Variants in BCOR observed in about 807,000 individuals in gnomAD.
BCOR encodes the protein BCL-6 corepressor.
In BCOR, 10 loss-of-function variants were observed where a neutral mutation model predicts 86.7. The observed-to-expected ratio is 0.12, with a 90% CI of 0.07 to 0.20. BCOR has a LOEUF of 0.20. Ranked by LOEUF, BCOR falls within the 10% of genes least tolerant of loss-of-function variation. The pLI is 1.00. For missense variants in BCOR, 1,259 were observed against 1,452.1 expected, an observed-to-expected ratio of 0.87 and a Z score of 2.16; for synonymous variants, 611 against 609.0, an observed-to-expected ratio of 1.00 and a Z score of -0.05.
intron 1 of BCOR, among the ~76,000 whole-genome samples, chrX:40,127,458 T>C (rs1937556285): frequency 8.9e-6 from 1 of 112,449 alleles, no homozygotes; most frequent in South Asian, 3.6e-4. Context: ...CCAATTGTGA[T>C]AGAAGAAGAA....
intron 1 of BCOR, among the ~76,000 whole-genome samples, chrX:40,151,893 G>A (rs1938174964): frequency 8.9e-6 from 1 of 112,201 alleles, no homozygotes; most frequent in Non-Finnish European, 1.9e-5. Flanking sequence ...GAGCGCGCCT[G>A]GTGTTTACAC....
chrX:40,176,981 A>G (rs1489585912), intron 1 of BCOR: 1 of 100,147 alleles, frequency 1.0e-5, no homozygotes, highest in Non-Finnish European at 2.0e-5. Flanking sequence ...CCTTCCGGGT[A>G]GGAGAACTCA....
At chrX:40,114,101 C>A (rs1476055430) in intron 1 of BCOR, among the ~76,000 whole-genome samples, 1 of 112,157 alleles carries the variant, frequency 8.9e-6, no homozygotes, top group African/African-American at 3.2e-5. Context: ...CCACTGTAGC[C>A]AGCCACTTAA....
intron 1 of BCOR, among the ~76,000 whole-genome samples, chrX:40,128,242 C>T (rs767987257): frequency 5.7e-5 from 6 of 105,525 alleles, no homozygotes; most frequent in African/African-American, 2.1e-4. Context: ...AACAAAAAAA[C>T]AAAAAAGTAT....
intron 1 of BCOR, among the ~76,000 whole-genome samples, chrX:40,149,889 A>G (rs7889424): frequency 0.027 from 3,010 of 112,313 alleles, 83 homozygotes; most frequent in African/African-American, 0.091. Context: ...CTGAGCTGCA[A>G]TCTTCTGAGG....
chrX:40,081,149 G>A (rs1936090414), intron 1 of BCOR, among the ~76,000 whole-genome samples: 1 of 111,594 alleles, frequency 9.0e-6, no homozygotes, highest in East Asian at 2.8e-4. Context: ...GCCAAAGATG[G>A]AGAGGAGTGG....
upstream of BCOR, among the ~76,000 whole-genome samples, chrX:40,102,823 G>A (rs890377948): frequency 8.8e-5 from 10 of 113,360 alleles, no homozygotes; most frequent in Non-Finnish European, 1.5e-4. Context: ...AAGCGGTGCT[G>A]ATCTGTCTCT....
chrX:40,165,760 G>A (rs1203036948), intron 1 of BCOR, among the ~76,000 whole-genome samples: 1 of 110,750 alleles, frequency 9.0e-6, no homozygotes, highest in African/African-American at 3.4e-5. Context: ...CAAGAGCAAG[G>A]GCATGAGATT....
intron 1 of BCOR, among the ~76,000 whole-genome samples, chrX:40,149,412 A>T (rs1938126390): frequency 9.0e-6 from 1 of 111,305 alleles, no homozygotes. Flanking sequence ...CGGGAACACA[A>T]CCAGCTCTTC....
chrX:40,088,644 G>A (rs1031524638), intron 1 of BCOR, among the ~76,000 whole-genome samples: 9 of 112,234 alleles, frequency 8.0e-5, no homozygotes, highest in Non-Finnish European at 1.5e-4. Context: ...ATACAGGTCT[G>A]GTTTTCTTCT....
intron 2 of BCOR, 21 bp from the exon 3 acceptor site, chrX:40,076,553 A>G: frequency 9.0e-7 from 1 of 1,105,578 alleles, no homozygotes; most frequent in Non-Finnish European, 1.2e-6. Context: ...AGATACACCA[A>G]CTTCATGAAA....
intron 1 of BCOR, among the ~76,000 whole-genome samples, chrX:40,132,014 GCAGAAGA>G (rs772230513): frequency 1.0e-3 from 117 of 112,103 alleles, no homozygotes; most frequent in African/African-American, 3.7e-3. Flanking sequence ...TAAGACAAAG[GCAGAAGA>G]AGCCATGCAG....
chrX:40,164,839 T>C (rs897708739), intron 1 of BCOR, among the ~76,000 whole-genome samples: 28 of 112,707 alleles, frequency 2.5e-4, no homozygotes, highest in African/African-American at 9.0e-4. Context: ...TGACCCCGAC[T>C]ACCAGACTTG....
intron 1 of BCOR, among the ~76,000 whole-genome samples, chrX:40,159,343 TTTTG>T (rs1938364791): frequency 1.8e-5 from 2 of 112,511 alleles, no homozygotes; most frequent in African/African-American, 6.5e-5. Context: ...AAAGTGTTTT[TTTTG>T]TTTGTTTTTT....
intron 1 of BCOR, among the ~76,000 whole-genome samples, chrX:40,143,798 T>C (rs1937978719): frequency 8.9e-6 from 1 of 112,000 alleles, no homozygotes; most frequent in Non-Finnish European, 1.9e-5. Context: ...CTACTAAAAA[T>C]ACAAAAAATT....
chrX:40,109,508 T>TCGGCCC (rs757258424), intron 1 of BCOR, among the ~76,000 whole-genome samples: 31 of 111,396 alleles, frequency 2.8e-4, no homozygotes, highest in Non-Finnish European at 5.7e-4. Context: ...CCTCCGCTCC[T>TCGGCCC]CGGCCCCGGC....
Position 40,160,272 on chromosome X carries a change from C to T in BCOR, c.-41+16735G>A, listed in dbSNP as rs184777526. 3.7e-3 allele frequency among the ~76,000 whole-genome samples: 414 copies of T among 110,451 alleles called. 2 individuals carry two copies. Among genetic ancestry groups the T allele is most frequent in the Non-Finnish European group, 6.3e-3 (331 of 52,720 alleles). ...CTGGGACTACAGGCGCCCGCCACTA[C>T]ACCCGGCTAATTTTGTGTATTTTTT... On this transcript the variant is annotated intron_variant, in intron 1 of 14. Coordinates refer to the BCOR transcript ENST00000342274.
rs1228480614 is a variant in BCOR, at chrX:40,091,139, CT to C, written c.-41+6075del. Among the ~76,000 whole-genome samples the C allele has an allele frequency of 1.2e-4, 13 of 111,860 alleles. No individual in the cohort carries two copies. The Admixed American group carries it at 1.2e-3, about 11-fold the overall frequency. ...TCAATCCCATCCCCCAACAGTTCCC[CT>C]GGTTTGCACCTAGACAATAAATTTA... On this transcript the variant is annotated intron_variant, in intron 1 of 14. Transcript: ENST00000378444.
At chrX:40,121,768 A>G (rs770245810) in intron 1 of BCOR, among the ~76,000 whole-genome samples, 14 of 112,268 alleles carry the variant, frequency 1.2e-4, no homozygotes, top group Non-Finnish European at 2.6e-4. Flanking sequence ...GTATGGGGGA[A>G]AGAGAGTTTC....
Sources: allele counts gnomAD v4.1 joint callset (sites outside exome capture counted in the v4.1 genomes callset), GRCh38; gene constraint gnomAD v4.1.1; transcripts MANE v1.5; gene names NCBI Gene and HGNC (gene_info 2026-07-23, HGNC 2026-07-21).